The following EDN3 variants were observed in gnomAD, a reference collection of about 807,000 sequenced individuals.
The protein encoded by EDN3 is endothelin 3.
Under a neutral mutation model 21.4 loss-of-function variants are expected in EDN3, and 9 were observed. That is an observed-to-expected ratio of 0.42 (90% CI 0.25 to 0.73). EDN3 has a LOEUF of 0.73. Ranked by LOEUF, EDN3 falls within the 30% of genes least tolerant of loss-of-function variation. The probability of loss-of-function intolerance (pLI) is 0.26; values close to 1 mark genes in which losing one functional copy is unlikely to be tolerated. For synonymous variants in EDN3, 133 were observed against 126.2 expected, an observed-to-expected ratio of 1.05 and a Z score of -0.36; for missense variants, 327 against 309.4, an observed-to-expected ratio of 1.06 and a Z score of -0.43.
chr20:59,313,495 C>T (rs909347048), intron 2 of EDN3, among the ~76,000 whole-genome samples: 1 of 152,050 alleles, frequency 6.6e-6, no homozygotes, highest in African/African-American at 2.4e-5. Flanking sequence ...ACAGCCAAGT[C>T]CTGGGTAAAT....
rs572846070 is a variant in EDN3, at chr20:59,317,911, G to A, written c.366-3106G>A. Among the ~76,000 whole-genome samples, 21 of 152,288 alleles carry A rather than the reference G, an allele frequency of 1.4e-4. 1 individual carries two copies. In the South Asian group the frequency reaches 4.4e-3, roughly 32 times the overall value. Reference sequence around the variant, plus strand: ...AAGTAAAAGACCTGCCCTCTCTTTTGAGGATCCAGTAATCTGCCTTTAGAC... The same window carrying A: ...AAGTAAAAGACCTGCCCTCTCTTTTAAGGATCCAGTAATCTGCCTTTAGAC... On this transcript the variant is annotated intron_variant, in intron 2 of 4. Coordinates refer to ENST00000337938, the MANE Select transcript of EDN3 (RefSeq NM_207034.3).
At chr20:59,310,894 G>T (rs772887425) in intron 2 of EDN3, among the ~76,000 whole-genome samples, 14 of 152,196 alleles carry the variant, frequency 9.2e-5, no homozygotes, top group Admixed American at 1.3e-4. Flanking sequence ...AACTTTTCTG[G>T]ATTTTTAGGA....
chr20:59,305,098 T>C lies in EDN3; in HGVS notation c.365+3376T>C, dbSNP rs908538602. Among the ~76,000 whole-genome samples, 6 of 152,172 alleles carry C rather than the reference T, an allele frequency of 3.9e-5. No homozygotes were observed. The highest frequency in any genetic ancestry group is 7.3e-5 in the Non-Finnish European group (5 of 68,040). On this transcript the variant is annotated intron_variant, in intron 2 of 4. Transcript: ENST00000337938. The surrounding 1 kb of genome is among the most constrained non-coding windows in gnomAD (Gnocchi z 4.2). Reference sequence around the variant, plus strand: ...TTGGGGATGTTGCCCATAACTTCTGTGATATCTTCCCAAAAGTCCATCGCC... The same window carrying C: ...TTGGGGATGTTGCCCATAACTTCTGCGATATCTTCCCAAAAGTCCATCGCC...
intron 2 of EDN3, among the ~76,000 whole-genome samples, chr20:59,308,697 C>CA (rs1288426606): frequency 6.6e-6 from 1 of 152,226 alleles, no homozygotes; most frequent in Non-Finnish European, 1.5e-5. Context: ...AGTAAACACT[C>CA]AACGTCTTGA....
intron 2 of EDN3, among the ~76,000 whole-genome samples, chr20:59,313,951 G>A (rs549793455): frequency 6.6e-6 from 1 of 152,344 alleles, no homozygotes; most frequent in African/African-American, 2.4e-5. Context: ...ACTTTCATAA[G>A]CATTTGATGA....
chr20:59,305,291 C>G lies in EDN3; in HGVS notation c.365+3569C>G, dbSNP rs1989328840. On this transcript the variant is annotated intron_variant, in intron 2 of 4. Coordinates refer to ENST00000337938, the MANE Select transcript of EDN3 (RefSeq NM_207034.3). This position sits in a 1 kb window ranked among gnomAD's most constrained non-coding sequence, Gnocchi z 4.2. ...AGTCCCAAATCAGAGAAAAACATAT[C>G]CCATCCTATTGTCATGGATAAGTTG... Among the ~76,000 whole-genome samples, 1 of 152,188 alleles carries G rather than the reference C, an allele frequency of 6.6e-6. No homozygotes were observed. The highest frequency in any genetic ancestry group is 2.1e-4 in the South Asian group (1 of 4,828).
intron 4 of EDN3, 117 bp from the exon 5 acceptor site, chr20:59,324,214 A>T: frequency 7.6e-7 from 1 of 1,314,914 alleles, no homozygotes; most frequent in Non-Finnish European, 1.1e-6. Flanking sequence ...CCAATCAGGG[A>T]ACAGGCTGGA....
At chr20:59,316,927 G>A (rs551470255) in intron 2 of EDN3, among the ~76,000 whole-genome samples, 1 of 152,314 alleles carries the variant, frequency 6.6e-6, no homozygotes, top group East Asian at 1.9e-4. Context: ...CTTCTCACCT[G>A]CTTTTCTTTT....
chr20:59,302,485 T>A (rs1989116354), intron 2 of EDN3, among the ~76,000 whole-genome samples: 1 of 151,974 alleles, frequency 6.6e-6, no homozygotes. Context: ...GTGGAGAGAG[T>A]GTGGCTCTGA....
In EDN3 at chr20:59,322,775, G is replaced by A. The variant is rs2146885135; in HGVS notation, c.588+358G>A. ...ACCGCTCTCAGAGGCCCTGTAGGCT[G>A]CTCTGCCCAGACCCACACTTCGCCT... On this transcript the variant is annotated intron_variant, in intron 4 of 4. Transcript: ENST00000337938. The surrounding 1 kb of genome is among the most constrained non-coding windows in gnomAD (Gnocchi z 4.1). Among the ~76,000 whole-genome samples the A allele has an allele frequency of 6.6e-6, 1 of 152,322 alleles. No individual in the cohort carries two copies. Among genetic ancestry groups the A allele is most frequent in the African/African-American group, 2.4e-5 (1 of 41,570 alleles).
intron 3 of EDN3, among the ~76,000 whole-genome samples, chr20:59,321,756 G>A (rs190667419): frequency 6.6e-6 from 1 of 152,260 alleles, no homozygotes; most frequent in African/African-American, 2.4e-5. Context: ...TTACTTTGTA[G>A]CCCCTGGAGG....
At position 59,300,743 on chromosome 20, in the gene EDN3, C is replaced by T; in HGVS notation, c.-70C>T. On this transcript the variant is annotated 5_prime_UTR_variant, in exon 1 of 5. Transcript: ENST00000337938. ...GGAGGGCGAGGCCAGCTGTACCCGG[C>T]CCCAGTGCCCTTTCGCGGCCACAAG... 3.9e-6 allele frequency: 6 copies of T among 1,533,204 alleles called. No homozygotes were observed. The highest frequency in any genetic ancestry group is 3.5e-5 in the South Asian group (3 of 85,456). The allele number at this position is 1,533,204 out of a possible 1,614,324, so 95.0% of individuals were successfully genotyped here.
intron 2 of EDN3, among the ~76,000 whole-genome samples, chr20:59,316,996 T>C (rs1209688769): frequency 1.3e-5 from 2 of 152,220 alleles, no homozygotes; most frequent in Admixed American, 1.3e-4. Flanking sequence ...CCTACTTGTA[T>C]AAAGGATTGT....
At chr20:59,301,015 G>T in intron 1 of EDN3, 151 bp downstream of exon 1, 1 of 989,190 alleles carries the variant, frequency 1.0e-6, no homozygotes, top group East Asian at 2.6e-5. Flanking sequence ...GGAGGGCTGG[G>T]GAGCAGAAGC....
chr20:59,306,739 A>G (rs1989455706), intron 2 of EDN3, among the ~76,000 whole-genome samples: 1 of 152,182 alleles, frequency 6.6e-6, no homozygotes, highest in Non-Finnish European at 1.5e-5. Context: ...GGTCTCAAGA[A>G]GAGATATTCC....
chr20:59,320,989 T>C (rs1990498223), intron 2 of EDN3, 28 bp from the exon 3 acceptor site: 1 of 1,613,896 alleles, frequency 6.2e-7, no homozygotes, highest in African/African-American at 1.3e-5. Context: ...CTGGGTGTGC[T>C]CACCTAACAT....
chr20:59,300,760 G>T lies in EDN3; in HGVS notation c.-53G>T. ...GTACCCGGCCCCAGTGCCCTTTCGCGGCCACAAGCGGCCGTCCTCCTGGTC... is the reference window on the plus strand; with the variant it reads ...GTACCCGGCCCCAGTGCCCTTTCGCTGCCACAAGCGGCCGTCCTCCTGGTC... On this transcript the variant is annotated 5_prime_UTR_variant, in exon 1 of 5. Coordinates refer to ENST00000337938, the MANE Select transcript of EDN3 (RefSeq NM_207034.3). The T allele has an allele frequency of 6.3e-7, 1 of 1,581,654 alleles. No individual in the cohort carries two copies. The highest frequency in any genetic ancestry group is 8.6e-7 in the Non-Finnish European group (1 of 1,164,980).
chr20:59,324,518 T>G lies in EDN3; in HGVS notation c.*59T>G. ...GCTTCTGTCATTGCTCACACACAGT[T>G]CAGATTTCCACCTCTTTATAGACAA... On this transcript the variant is annotated 3_prime_UTR_variant, in exon 5 of 5. Transcript: ENST00000337938. 1 of 1,611,730 alleles carries G rather than the reference T, an allele frequency of 6.2e-7. No homozygotes were observed.
intron 2 of EDN3, among the ~76,000 whole-genome samples, chr20:59,319,586 C>A (rs531236461): frequency 2.0e-5 from 3 of 151,638 alleles, no homozygotes; most frequent in Non-Finnish European, 4.4e-5. Flanking sequence ...ATTAGCCGGG[C>A]GTGGTGGCAC....
Sources: gnomAD v4.1 joint callset for allele counts (sites outside exome capture counted in the v4.1 genomes callset) on GRCh38, gnomAD v4.1.1 for gene constraint, Gnocchi (gnomAD v3.1) non-coding constraint, MANE v1.5 for transcripts, NCBI Gene and HGNC (gene_info 2026-07-23, HGNC 2026-07-21) for gene names.